Variants in AOAH observed in about 807,000 individuals in gnomAD.
AOAH encodes the protein acyloxyacyl hydrolase (neutrophil).
A neutral mutation model predicts 92.2 loss-of-function variants in AOAH; 64 were observed. The observed-to-expected ratio is 0.69, with a 90% CI of 0.57 to 0.86. The LOEUF (loss-of-function observed/expected upper bound fraction) is 0.86. Ranked by LOEUF, AOAH falls within the 40% of genes least tolerant of loss-of-function variation. AOAH has a pLI of 0.00. For synonymous variants in AOAH, 263 were observed against 254.5 expected (o/e 1.03, Z -0.32); for missense variants, 656 against 694.6 (o/e 0.94, Z 0.62).
chr7:36,722,106 G>A lies in AOAH; in HGVS notation c.127+1916C>T, dbSNP rs184997867. On this transcript the variant is annotated intron_variant, in intron 1 of 20. Coordinates refer to ENST00000617537, the MANE Select transcript of AOAH (RefSeq NM_001637.4). Reference sequence around the variant, plus strand: ...TCCCAGATCCATCAATCCACCATCCGAATACCACCTCCTAACCTCGGTCAC... The same window carrying A: ...TCCCAGATCCATCAATCCACCATCCAAATACCACCTCCTAACCTCGGTCAC... 1.2e-3 allele frequency among the ~76,000 whole-genome samples: 184 copies of A among 152,180 alleles called. 2 individuals are homozygous for A. The highest frequency in any genetic ancestry group is 3.7e-3 in the South Asian group (18 of 4,814).
intron 1 of AOAH, among the ~76,000 whole-genome samples, chr7:36,714,641 G>A (rs1799005449): frequency 6.6e-6 from 1 of 152,102 alleles, no homozygotes; most frequent in Non-Finnish European, 1.5e-5. Context: ...GATCAAGTGG[G>A]CTTCATCCCT....
chr7:36,714,352 A>C (rs1388309934), intron 1 of AOAH, among the ~76,000 whole-genome samples: 1 of 152,192 alleles, frequency 6.6e-6, no homozygotes, highest in East Asian at 1.9e-4. Context: ...ACCAACCAAA[A>C]AAAGTCCAGG....
At position 36,704,991 on chromosome 7, in the gene AOAH, T is replaced by C. The variant is rs181265813; in HGVS notation, c.128-18197A>G. On this transcript the variant is annotated intron_variant, in intron 1 of 20. Transcript: ENST00000617537. The stretch of plus-strand genomic sequence containing the variant: ...ATAAACTAGGTATTGATGGAGCATA[T>C]ATCAAAATAATAAGAGCTATTTATG... Among the ~76,000 whole-genome samples the C allele has an allele frequency of 2.4e-3, 364 of 152,264 alleles. 1 individual carries two copies. Among genetic ancestry groups the C allele is most frequent in the African/African-American group, 8.5e-3 (352 of 41,546 alleles).
intron 4 of AOAH, among the ~76,000 whole-genome samples, chr7:36,657,366 G>A (rs967969914): frequency 2.6e-5 from 4 of 152,102 alleles, no homozygotes; most frequent in East Asian, 1.9e-4. Flanking sequence ...AAAAGGAGTC[G>A]AAATGACACC....
chr7:36,693,151 C>T (rs562317798), intron 1 of AOAH, among the ~76,000 whole-genome samples: 102 of 152,230 alleles, frequency 6.7e-4, no homozygotes, highest in Non-Finnish European at 1.2e-3. Context: ...GTCTAGAGTG[C>T]AGACTGTGAA....
At chr7:36,671,549 G>A (rs781592814) in intron 3 of AOAH, among the ~76,000 whole-genome samples, 3 of 152,128 alleles carry the variant, frequency 2.0e-5, no homozygotes, top group Non-Finnish European at 2.9e-5. Flanking sequence ...AGGAAAATGC[G>A]TGCATGCTCA....
At chr7:36,657,852 T>C (rs964731060) in intron 4 of AOAH, among the ~76,000 whole-genome samples, 1 of 152,240 alleles carries the variant, frequency 6.6e-6, no homozygotes, top group Admixed American at 6.5e-5. Flanking sequence ...CCATTTTAAA[T>C]GGGACAATTT....
chr7:36,671,213 C>G (rs989221357), intron 3 of AOAH, among the ~76,000 whole-genome samples: 2 of 152,094 alleles, frequency 1.3e-5, no homozygotes, highest in Non-Finnish European at 2.9e-5. Flanking sequence ...CATCTGTAAT[C>G]ATACTTTTTT....
At chr7:36,656,465 G>A (rs1463955250) in intron 4 of AOAH, among the ~76,000 whole-genome samples, 3 of 152,066 alleles carry the variant, frequency 2.0e-5, no homozygotes, top group Admixed American at 2.0e-4. Context: ...GCCCTTAGTA[G>A]GTAATGTTAG....
chr7:36,622,307 T>C (rs1286961795), intron 7 of AOAH, among the ~76,000 whole-genome samples: 1 of 152,324 alleles, frequency 6.6e-6, no homozygotes, highest in African/African-American at 2.4e-5. Context: ...GTAAAACAAT[T>C]GGCTTATTTG....
intron 5 of AOAH, among the ~76,000 whole-genome samples, chr7:36,632,532 C>A (rs1036933865): frequency 1.3e-5 from 2 of 152,142 alleles, no homozygotes; most frequent in Admixed American, 1.3e-4. Context: ...AGGTCCCTTC[C>A]CCCACAGAGG....
intron 20 of AOAH, among the ~76,000 whole-genome samples, chr7:36,521,811 T>C (rs1784121491): frequency 6.6e-6 from 1 of 152,200 alleles, no homozygotes; most frequent in African/African-American, 2.4e-5. Context: ...ATTTTATGAA[T>C]TATAGAAATT....
Position 36,517,077 on chromosome 7 carries a change from C to T in AOAH, c.1600-3697G>A, listed in dbSNP as rs111465600. On this transcript the variant is annotated intron_variant, in intron 20 of 20. Transcript: ENST00000617537. ...AGCATCTACTATGGGTTTCTCATAC[C>T]GCAATTTCCTGTTTTAACTTCCACG... Among the ~76,000 whole-genome samples the T allele has an allele frequency of 5.0e-3, 761 of 152,188 alleles. 7 individuals carry two copies. The highest frequency in any genetic ancestry group is 0.016 in the African/African-American group (650 of 41,516).
chr7:36,618,807 G>A (rs1396520682), intron 9 of AOAH, among the ~76,000 whole-genome samples: 1 of 152,216 alleles, frequency 6.6e-6, no homozygotes, highest in Non-Finnish European at 1.5e-5. Context: ...CATTGGCAAT[G>A]TCTGGAGACA....
At chr7:36,613,713 G>C (rs185368716) in intron 11 of AOAH, among the ~76,000 whole-genome samples, 5 of 152,284 alleles carry the variant, frequency 3.3e-5, no homozygotes, top group Admixed American at 6.5e-5. Flanking sequence ...TTTTAGATCA[G>C]GTAGTTGTTT....
intron 13 of AOAH, among the ~76,000 whole-genome samples, chr7:36,558,695 C>G (rs931561207): frequency 6.6e-6 from 1 of 152,266 alleles, no homozygotes; most frequent in African/African-American, 2.4e-5. Context: ...GCCCCTCCCC[C>G]AGCCTCGCTG....
At chr7:36,616,616 G>T in intron 10 of AOAH, 142 bp from the exon 11 acceptor site, 1 of 668,328 alleles carries the variant, frequency 1.5e-6, no homozygotes, top group Non-Finnish European at 2.6e-6. Flanking sequence ...CTTTTCGCAT[G>T]TTTGAGAGTG....
At chr7:36,704,917 G>C (rs909194317) in intron 1 of AOAH, among the ~76,000 whole-genome samples, 3 of 152,096 alleles carry the variant, frequency 2.0e-5, no homozygotes, top group Non-Finnish European at 4.4e-5. Context: ...AAAAGATACA[G>C]AAAAGGCCTT....
rs555607622 is a variant in AOAH, at chr7:36,522,204, C to T, written c.1523-89G>A. On this transcript the variant is annotated intron_variant, in intron 19 of 20. Coordinates refer to ENST00000617537, the MANE Select transcript of AOAH (RefSeq NM_001637.4). ...ACAAGGACGTGAGAACTGCCCATGC[C>T]CTCCCGGGCCCATGTTGACCAAGCC... 16 of 1,220,516 alleles carry T rather than the reference C, an allele frequency of 1.3e-5. No individual in the cohort carries two copies. In the East Asian group the frequency reaches 3.6e-4, roughly 28 times the overall value. 75.6% of individuals were successfully genotyped at this position (1,220,516 alleles called of 1,614,324 possible).
Sources: allele counts gnomAD v4.1 joint callset (sites outside exome capture counted in the v4.1 genomes callset), GRCh38; gene constraint gnomAD v4.1.1; transcripts MANE v1.5; gene names NCBI Gene and HGNC (gene_info 2026-07-23, HGNC 2026-07-21).